Variants in FSD1 observed in about 807,000 individuals in gnomAD.
FSD1 encodes the protein fibronectin type III and SPRY domain containing 1.
In FSD1, 23 loss-of-function variants were observed where a neutral mutation model predicts 58.2. The ratio of observed to expected loss-of-function variants is 0.40; its 90% CI spans 0.28 to 0.56. The LOEUF (loss-of-function observed/expected upper bound fraction) is 0.56. Ranked by LOEUF, FSD1 falls within the 20% of genes least tolerant of loss-of-function variation. The pLI is 0.54. For missense variants in FSD1, 563 were observed against 670.8 expected, an observed-to-expected ratio of 0.84 and a Z score of 1.78; for synonymous variants, 265 against 263.4, an observed-to-expected ratio of 1.01 and a Z score of -0.06.
chr19:4,307,906 G>A lies in FSD1; in HGVS notation c.268G>A (p.Ala90Thr), dbSNP rs929498681. Residue 90 changes from alanine to threonine, a missense_variant, in exon 4 of 13, where the codon GCC becomes ACC. Transcript: ENST00000221856. ...GAACCAGCTGGCTGCCTGCACGCGG[G>A]CCCTGGAGAGCTCCGAGGAGCTTCT... ...LQNQLAACTR[A>T]LESSEELLET... is the part of the protein sequence containing the mutation. 51 of 1,613,628 alleles carry A rather than the reference G, an allele frequency of 3.2e-5. No individual in the cohort carries two copies. Among genetic ancestry groups the A allele is most frequent in the Non-Finnish European group, 4.2e-5 (50 of 1,179,894 alleles).
At position 4,323,262 on chromosome 19, in the gene FSD1, C is replaced by T; in HGVS notation, c.1291+25C>T. ...GGTGACCCCAAGCCCCAGCTGCCGT[C>T]TCTGGCTGCCCCTGCCTGAGTCCCC... On this transcript the variant is annotated intron_variant, in intron 11 of 12. Transcript: ENST00000221856. This position sits in a 1 kb window ranked among gnomAD's most constrained non-coding sequence, Gnocchi z 7.7. 4 of 1,606,344 alleles carry T rather than the reference C, an allele frequency of 2.5e-6. No homozygotes were observed. The highest frequency in any genetic ancestry group is 3.4e-6 in the Non-Finnish European group (4 of 1,178,528).
At chr19:4,306,446 C>T in intron 3 of FSD1, 117 bp downstream of exon 3, 1 of 948,738 alleles carries the variant, frequency 1.1e-6, no homozygotes, top group East Asian at 2.6e-5. Flanking sequence ...TCTCCCCTGA[C>T]CCCTCCATCC....
chr19:4,306,762 C>A (rs1245173356), intron 3 of FSD1, among the ~76,000 whole-genome samples: 1 of 151,800 alleles, frequency 6.6e-6, no homozygotes, highest in Non-Finnish European at 1.5e-5. Context: ...CCCATCTGTG[C>A]TCTCTCTGAA....
chr19:4,306,465 ACTCT>A (rs1244698018), intron 3 of FSD1, 136 bp downstream of exon 3: 8 of 719,622 alleles, frequency 1.1e-5, no homozygotes, highest in Middle Eastern at 4.1e-4. Flanking sequence ...CCACCTGTAC[ACTCT>A]CTCTTTTTTT....
At chr19:4,319,460 G>A (rs1289533400) in intron 10 of FSD1, among the ~76,000 whole-genome samples, 1 of 152,164 alleles carries the variant, frequency 6.6e-6, no homozygotes, top group Non-Finnish European at 1.5e-5. Context: ...GTTGGTGGAG[G>A]ATGGGCAAGG....
At chr19:4,307,757 C>A in intron 3 of FSD1, 125 bp from the exon 4 acceptor site, 1 of 652,698 alleles carries the variant, frequency 1.5e-6, no homozygotes, top group Non-Finnish European at 2.6e-6. Context: ...AGGCTCCAAT[C>A]TCCATCTCTC....
At chr19:4,320,367 G>A (rs1971800564) in intron 10 of FSD1, among the ~76,000 whole-genome samples, 2 of 152,056 alleles carry the variant, frequency 1.3e-5, no homozygotes, top group Admixed American at 6.6e-5. Flanking sequence ...CCAGAGCTGG[G>A]AACTAGGGGG....
chr19:4,319,047 G>A, intron 10 of FSD1, 96 bp downstream of exon 10: 1 of 930,512 alleles, frequency 1.1e-6, no homozygotes, highest in Non-Finnish European at 1.7e-6. Flanking sequence ...TGCGGAAACA[G>A]GCAGCCATCA....
intron 4 of FSD1, among the ~76,000 whole-genome samples, chr19:4,309,897 A>C (rs1470895383): frequency 6.9e-6 from 1 of 145,406 alleles, no homozygotes; most frequent in Non-Finnish European, 1.5e-5. Context: ...CGACAGAGCA[A>C]GACTCCATCT....
intron 3 of FSD1, among the ~76,000 whole-genome samples, chr19:4,307,135 G>A (rs182080222): frequency 2.0e-5 from 3 of 152,168 alleles, no homozygotes; most frequent in East Asian, 1.9e-4. Context: ...CCTCACTGCA[G>A]CGTCCGCCTC....
Position 4,323,004 on chromosome 19 carries a change from G to A in FSD1, c.1058G>A (p.Gly353Asp), listed in dbSNP as rs761003361. Reference protein sequence around the residue: ...YTVLGDTLIDGGEHYWEVRYE... With the variant: ...YTVLGDTLIDDGEHYWEVRYE... ...GCCACAGGGGACACGCTGATCGACG[G>A]CGGGGAGCATTACTGGGAGGTGCGC... The change falls in exon 11 of 13, where the codon GGC becomes GAC. Residue 353 changes from glycine (G) to aspartate (D), a missense_variant. Transcript: ENST00000221856. The surrounding 1 kb of genome is among the most constrained non-coding windows in gnomAD (Gnocchi z 7.7). 131 of 1,611,164 alleles carry A rather than the reference G, an allele frequency of 8.1e-5. No homozygotes were observed. The East Asian group carries it at 2.6e-3, about 32-fold the overall frequency.
intron 10 of FSD1, among the ~76,000 whole-genome samples, chr19:4,320,143 A>G (rs1197302231): frequency 1.3e-5 from 2 of 151,828 alleles, no homozygotes; most frequent in South Asian, 4.2e-4. Flanking sequence ...GGCTTGGGGA[A>G]TGCCTTGGGG....
chr19:4,317,456 TG>T lies in FSD1; in HGVS notation c.799+177del, dbSNP rs560028295. On this transcript the variant is annotated intron_variant, in intron 8 of 12. Transcript: ENST00000221856. ...CTGCTATAACCCTGTTTTTGTCCTT[TG>T]CTTCTGAGGTTTACCCAGTATATCT... is the stretch of plus-strand genomic sequence containing the variant. Among the ~76,000 whole-genome samples, 352 of 152,284 alleles carry T rather than the reference TG, an allele frequency of 2.3e-3. 1 individual carries two copies. Among genetic ancestry groups the T allele is most frequent in the African/African-American group, 8.0e-3 (331 of 41,560 alleles).
chr19:4,311,987 C>T lies in FSD1; in HGVS notation c.636C>T (p.Arg212=). 4.3e-6 allele frequency: 7 copies of T among 1,613,488 alleles called. No homozygotes were observed. The African/African-American group carries it at 5.3e-5, about 12-fold the overall frequency. The change falls in exon 7 of 13, where the codon CGC becomes CGT. Residue 212 remains arginine (R), a synonymous_variant. Transcript: ENST00000221856. ...YRRTNFEGPP[R]LKEDQPWMVI... ...GGACCAACTTCGAGGGCCCGCCCCG[C>T]CTCAAGGAGGACCAGCCCTGGATGG... is the stretch of plus-strand genomic sequence containing the variant.
At chr19:4,319,485 T>C (rs983682081) in intron 10 of FSD1, among the ~76,000 whole-genome samples, 2 of 152,044 alleles carry the variant, frequency 1.3e-5, no homozygotes, top group African/African-American at 4.8e-5. Context: ...AACTGGACTT[T>C]AGGGGAATTG....
intron 1 of FSD1, 72 bp from the exon 2 acceptor site, chr19:4,305,874 G>A (rs780308207): frequency 1.5e-4 from 167 of 1,114,478 alleles, no homozygotes; most frequent in South Asian, 3.1e-4. Context: ...GTACATGTGC[G>A]TACACGTGTG....
rs766813006 is a variant in FSD1, at chr19:4,306,264, G to A, written c.178G>A (p.Glu60Lys). 6 of 1,614,048 alleles carry A rather than the reference G, an allele frequency of 3.7e-6. No homozygotes were observed. Among genetic ancestry groups the A allele is most frequent in the Non-Finnish European group, 5.1e-6 (6 of 1,179,960 alleles). Residue 60 changes from glutamate to lysine, a missense_variant, in exon 3 of 13, where the codon GAG (glutamate) becomes AAG (lysine). By Grantham distance (56) the Glu-to-Lys change is moderately conservative. Transcript: ENST00000221856. ...CCAGTCCCTCTTCTCCCTCCTGGAG[G>A]AGCTGAAAGAAGGCATGCTTATGAA... ...EFQSLFSLLE[E>K]LKEGMLMKIK...
intron 7 of FSD1, among the ~76,000 whole-genome samples, chr19:4,313,688 A>T (rs568503644): frequency 1.3e-5 from 2 of 151,034 alleles, no homozygotes; most frequent in East Asian, 2.0e-4. Flanking sequence ...ACTGAGCTCC[A>T]GCCTGGTTAC....
At chr19:4,306,160 AAC>A (rs748565451) in intron 2 of FSD1, 36 bp from the exon 3 acceptor site, 1 of 1,613,606 alleles carries the variant, frequency 6.2e-7, no homozygotes, top group Non-Finnish European at 8.5e-7. Context: ...TCCCTCTCTG[AAC>A]ACGGGCTTTG....
Sources: allele counts gnomAD v4.1 joint callset (sites outside exome capture counted in the v4.1 genomes callset), GRCh38; gene constraint gnomAD v4.1.1; non-coding constraint Gnocchi (gnomAD v3.1); transcripts MANE v1.5; gene names NCBI Gene and HGNC (gene_info 2026-07-23, HGNC 2026-07-21).